The following HSD17B4 variants were observed in gnomAD, a reference collection of about 807,000 sequenced individuals.
The protein encoded by HSD17B4 is peroxisomal multifunctional enzyme type 2.
Under a neutral mutation model 101.0 loss-of-function variants are expected in HSD17B4, and 70 were observed. The observed-to-expected ratio is 0.69, with a 90% CI of 0.57 to 0.85. HSD17B4 has a LOEUF of 0.85. HSD17B4 is among the 40% of genes least tolerant of loss of function. The probability of loss-of-function intolerance (pLI) is 0.00; values close to 1 mark genes in which losing one functional copy is unlikely to be tolerated. For synonymous variants in HSD17B4, 347 were observed against 297.1 expected (o/e 1.17, Z -1.73); for missense variants, 984 against 892.4 (o/e 1.10, Z -1.31).
In HSD17B4 at chr5:119,525,637, G is replaced by A. The variant is rs1353944589; in HGVS notation, c.1574-280G>A. The stretch of plus-strand genomic sequence containing the variant: ...CCTGTGTGGATGTTGAGAGTACCCT[G>A]GATGATTTCATGGTTACAACCAAAA... On this transcript the variant is annotated intron_variant, in intron 18 of 23. Transcript: ENST00000510025. 4.8e-5 allele frequency: 25 copies of A among 524,348 alleles called. 1 individual carries two copies. The highest frequency in any genetic ancestry group is 1.0e-3 in the Middle Eastern group (2 of 1,924). The allele number at this position is 524,348 out of a possible 1,614,324, so 32.5% of individuals were successfully genotyped here. A position where few individuals can be genotyped will look rare whatever the true frequency, so the allele number is the denominator to read the frequency against.
intron 17 of HSD17B4, among the ~76,000 whole-genome samples, chr5:119,515,968 C>G (rs568400338): frequency 6.6e-6 from 1 of 152,246 alleles, no homozygotes; most frequent in East Asian, 1.9e-4. Flanking sequence ...CCATGACACA[C>G]AATTATCTAT....
rs1329373046 is a variant in HSD17B4, at chr5:119,469,712, C to G, written c.113-4196C>G. Among the ~76,000 whole-genome samples the G allele has an allele frequency of 2.0e-5, 3 of 152,266 alleles. No individual in the cohort carries two copies. The East Asian group carries it at 5.8e-4, about 29-fold the overall frequency. ...ATATTTGTGTGTCTAGTAGAACAGT[C>G]GTATCTTCCCCTTTTATGAATTAAC... On this transcript the variant is annotated intron_variant, in intron 2 of 23. Coordinates refer to ENST00000510025, the MANE Select transcript of HSD17B4 (RefSeq NM_000414.4).
At chr5:119,466,576 G>T (rs933960555) in intron 2 of HSD17B4, among the ~76,000 whole-genome samples, 12 of 151,992 alleles carry the variant, frequency 7.9e-5, no homozygotes, top group African/African-American at 2.9e-4. Context: ...CCTCCAGTTT[G>T]TTGGCGTAGA....
chr5:119,540,331 C>A (rs1008791876), intron 23 of HSD17B4, among the ~76,000 whole-genome samples: 1 of 147,428 alleles, frequency 6.8e-6, no homozygotes, highest in East Asian at 1.9e-4. Flanking sequence ...CTGTGATGTC[C>A]GGTGCATGGC....
chr5:119,497,299 A>G (rs1490273934), intron 12 of HSD17B4, among the ~76,000 whole-genome samples: 1 of 152,206 alleles, frequency 6.6e-6, no homozygotes, highest in African/African-American at 2.4e-5. Flanking sequence ...AAATTGACTC[A>G]GGGAGGTACT....
At chr5:119,540,835 G>A (rs948903876) in intron 23 of HSD17B4, among the ~76,000 whole-genome samples, 3 of 152,148 alleles carry the variant, frequency 2.0e-5, no homozygotes, top group Non-Finnish European at 4.4e-5. Flanking sequence ...CTTCTTGCTG[G>A]CTCTGTAGAC....
intron 17 of HSD17B4, among the ~76,000 whole-genome samples, chr5:119,517,129 G>T (rs756244025): frequency 6.6e-6 from 1 of 152,190 alleles, no homozygotes; most frequent in African/African-American, 2.4e-5. Flanking sequence ...GGGAACCGGG[G>T]CTGCGCGCGG....
intron 2 of HSD17B4, among the ~76,000 whole-genome samples, chr5:119,460,100 C>T (rs867443262): frequency 6.6e-6 from 1 of 151,890 alleles, no homozygotes; most frequent in African/African-American, 2.4e-5. Context: ...TGGTCTCGAT[C>T]TCCTGACCTC....
At chr5:119,466,229 CTG>C (rs1755795086) in intron 2 of HSD17B4, among the ~76,000 whole-genome samples, 2 of 152,042 alleles carry the variant, frequency 1.3e-5, no homozygotes, top group Admixed American at 1.3e-4. Context: ...ATTTTTGTGA[CTG>C]TGTTCATCAG....
At chr5:119,525,811 C>A in intron 18 of HSD17B4, 106 bp from the exon 19 acceptor site, 39 of 689,092 alleles carry the variant, frequency 5.7e-5, no homozygotes, top group East Asian at 1.1e-4. Context: ...TGGTATAATT[C>A]CTGCTAATGC....
chr5:119,491,504 G>T (rs1227609911), intron 9 of HSD17B4, among the ~76,000 whole-genome samples: 6 of 112,956 alleles, frequency 5.3e-5, no homozygotes, highest in African/African-American at 2.2e-4. Context: ...ATGACCTCTA[G>T]AAAAAATTAT....
intron 12 of HSD17B4, among the ~76,000 whole-genome samples, chr5:119,497,215 G>GC (rs34230952): frequency 6.6e-6 from 1 of 150,990 alleles, no homozygotes; most frequent in Non-Finnish European, 1.5e-5. Flanking sequence ...CCATTGGGGG[G>GC]TGTGATGAAT....
chr5:119,480,060 T>G (rs1748977209), intron 8 of HSD17B4, among the ~76,000 whole-genome samples: 1 of 152,202 alleles, frequency 6.6e-6, no homozygotes, highest in Admixed American at 6.6e-5. Flanking sequence ...GATATCTTAT[T>G]GTTTTAATTT....
intron 2 of HSD17B4, among the ~76,000 whole-genome samples, chr5:119,459,586 A>T (rs1029098939): frequency 1.3e-5 from 2 of 152,168 alleles, no homozygotes; most frequent in Non-Finnish European, 2.9e-5. Flanking sequence ...TATTTCTTAT[A>T]GTTATGTAGG....
At chr5:119,509,896 T>C (rs1271413441) in intron 16 of HSD17B4, among the ~76,000 whole-genome samples, 1 of 152,232 alleles carries the variant, frequency 6.6e-6, no homozygotes, top group Non-Finnish European at 1.5e-5. Flanking sequence ...ATGTATCAAT[T>C]GATGGTTTAT....
chr5:119,525,621 A>C, intron 18 of HSD17B4: 1 of 518,572 alleles, frequency 1.9e-6, no homozygotes, highest in Non-Finnish European at 3.5e-6. Flanking sequence ...ACCTGTGTGG[A>C]TGTTGAGAGT....
At chr5:119,490,026 C>G in intron 9 of HSD17B4, among the ~76,000 whole-genome samples, 1 of 119,456 alleles carries the variant, frequency 8.4e-6, no homozygotes, top group South Asian at 2.9e-4. Context: ...TATATTAGAC[C>G]CCCCCCCATT....
intron 23 of HSD17B4, among the ~76,000 whole-genome samples, chr5:119,541,615 ATAAAG>A (rs1305057822): frequency 3.3e-5 from 5 of 152,240 alleles, no homozygotes; most frequent in Admixed American, 2.6e-4. Flanking sequence ...TTGTAAGAAC[ATAAAG>A]TAAAGCCAGA....
At chr5:119,520,436 T>G (rs963325761) in intron 17 of HSD17B4, among the ~76,000 whole-genome samples, 9 of 152,220 alleles carry the variant, frequency 5.9e-5, no homozygotes, top group Non-Finnish European at 8.8e-5. Flanking sequence ...GAGTTATTTT[T>G]CTGTGTAACT....
Sources: gnomAD v4.1 joint callset for allele counts (sites outside exome capture counted in the v4.1 genomes callset) on GRCh38, gnomAD v4.1.1 for gene constraint, MANE v1.5 for transcripts, NCBI Gene and HGNC (gene_info 2026-07-23, HGNC 2026-07-21) for gene names.